LAMA2: variants seen among roughly 807,000 people sequenced by gnomAD.
LAMA2 encodes laminin subunit alpha 2, also known as laminin subunit alpha-2.
LAMA2 carries 269 observed loss-of-function variants against 364.8 expected under a neutral mutation model. The observed-to-expected ratio is 0.74, with a 90% CI of 0.67 to 0.82. LAMA2 has a LOEUF of 0.82. Among genes scored for constraint, LAMA2 ranks in the 40% least tolerant of loss-of-function variants. The probability of loss-of-function intolerance (pLI) is 0.00; values close to 1 mark genes in which losing one functional copy is unlikely to be tolerated. For missense variants in LAMA2, 3,807 were observed against 3,873.2 expected (o/e 0.98, Z 0.45); for synonymous variants, 1,379 against 1,370.6 (o/e 1.01, Z -0.14).
rs1774543457 is a variant in LAMA2 at position 129,315,654 on chromosome 6, A to C, written c.3734A>C (p.Lys1245Thr). ...CTTCCAGAACAATTTGAAGGAAAGAAGGTAAGCACAAGAACTTTAATGTCA... is the reference window on the plus strand; with the variant it reads ...CTTCCAGAACAATTTGAAGGAAAGACGGTAAGCACAAGAACTTTAATGTCA... ...WKLPEQFEGK[K>T]LMAYGGKLKY... is the part of the protein sequence containing the mutation. The change falls in exon 25 of 65, where the codon AAG becomes ACG. Residue 1245 changes from lysine (K) to threonine (T), a missense_variant and splice_region_variant. By Grantham distance (78) the Lys-to-Thr change is moderately conservative (BLOSUM62 -1). Coordinates refer to ENST00000421865, the MANE Select transcript of LAMA2 (RefSeq NM_000426.4). 6.2e-7 allele frequency: 1 copy of C among 1,613,906 alleles called. No individual in the cohort carries two copies. The highest frequency in any genetic ancestry group is 8.5e-7 in the Non-Finnish European group (1 of 1,179,854).
chr6:129,064,064 T>C (rs1337339494), intron 3 of LAMA2, among the ~76,000 whole-genome samples: 2 of 152,264 alleles, frequency 1.3e-5, no homozygotes, highest in Non-Finnish European at 2.9e-5. Flanking sequence ...GTCAATTCTT[T>C]CCTCATGCTC....
chr6:129,110,215 G>A (rs1039931421), intron 4 of LAMA2, among the ~76,000 whole-genome samples: 3 of 151,924 alleles, frequency 2.0e-5, no homozygotes, highest in Non-Finnish European at 4.4e-5. Flanking sequence ...CAATTCTGAA[G>A]TGTATTGAGA....
chr6:129,244,517 G>A (rs946317627), intron 12 of LAMA2, among the ~76,000 whole-genome samples: 1 of 151,962 alleles, frequency 6.6e-6, no homozygotes, highest in Non-Finnish European at 1.5e-5. Context: ...TGATTTTTGT[G>A]TATCCCTCCT....
intron 1 of LAMA2, among the ~76,000 whole-genome samples, chr6:128,913,134 A>T (rs1211054715): frequency 6.6e-6 from 1 of 152,210 alleles, no homozygotes; most frequent in Non-Finnish European, 1.5e-5. Context: ...TAAAGTGAAG[A>T]TGGGGTCTGC....
intron 1 of LAMA2, among the ~76,000 whole-genome samples, chr6:128,945,039 A>G (rs1780406493): frequency 6.6e-6 from 1 of 152,180 alleles, no homozygotes; most frequent in Non-Finnish European, 1.5e-5. Flanking sequence ...GTAGCTCTGA[A>G]GGTTTGTTAC....
At chr6:129,182,697 C>T (rs1032329017) in intron 10 of LAMA2, among the ~76,000 whole-genome samples, 2 of 151,674 alleles carry the variant, frequency 1.3e-5, no homozygotes, top group African/African-American at 4.8e-5. Flanking sequence ...AATTTAAATA[C>T]ACTTGTAGGG....
intron 12 of LAMA2, among the ~76,000 whole-genome samples, chr6:129,202,769 C>T (rs1361964497): frequency 2.0e-5 from 3 of 152,064 alleles, no homozygotes. Flanking sequence ...AAAATGTCTT[C>T]CAAAACTGAA....
At chr6:129,384,664 G>C (rs1335287310) in intron 35 of LAMA2, among the ~76,000 whole-genome samples, 2 of 152,192 alleles carry the variant, frequency 1.3e-5, no homozygotes, top group African/African-American at 4.8e-5. Context: ...TGTACAATTT[G>C]TGGACCAACA....
At chr6:129,384,088 CA>C (rs913646707) in intron 35 of LAMA2, among the ~76,000 whole-genome samples, 3 of 152,178 alleles carry the variant, frequency 2.0e-5, no homozygotes, top group African/African-American at 7.2e-5. Context: ...CAAGAAGAGA[CA>C]AACTCCCAAA....
At chr6:128,960,134 G>A (rs569378101) in intron 1 of LAMA2, among the ~76,000 whole-genome samples, 1 of 152,034 alleles carries the variant, frequency 6.6e-6, no homozygotes, top group Non-Finnish European at 1.5e-5. Flanking sequence ...CAAATGTTCT[G>A]TAGTTTGATC....
At chr6:129,239,125 G>A (rs762939162) in intron 12 of LAMA2, among the ~76,000 whole-genome samples, 1 of 152,080 alleles carries the variant, frequency 6.6e-6, no homozygotes, top group African/African-American at 2.4e-5. Flanking sequence ...TACTATTCTA[G>A]ATTATTCAAT....
chr6:129,098,497 T>A (rs1192604352), intron 4 of LAMA2, 82 bp downstream of exon 4: 2 of 1,460,264 alleles, frequency 1.4e-6, no homozygotes, highest in East Asian at 4.5e-5. Flanking sequence ...TATCAGTAAT[T>A]AATGTCAGGG....
At chr6:129,308,283 CTT>C (rs143164158) in intron 22 of LAMA2, among the ~76,000 whole-genome samples, 44,000 of 151,942 alleles carry the variant, frequency 0.29, 6,744 homozygotes, top group Non-Finnish European at 0.32. Context: ...CTATGACTGA[CTT>C]TTGCATTTTC....
intron 1 of LAMA2, among the ~76,000 whole-genome samples, chr6:128,912,510 A>G (rs982336212): frequency 6.6e-6 from 1 of 152,196 alleles, no homozygotes; most frequent in African/African-American, 2.4e-5. Context: ...AAAGCAGGGT[A>G]TTATTCATTT....
intron 29 of LAMA2, 123 bp from the exon 30 acceptor site, chr6:129,342,220 T>G (rs982188320): frequency 1.4e-5 from 10 of 717,498 alleles, no homozygotes; most frequent in African/African-American, 3.5e-5. Flanking sequence ...TGTGTGTGAG[T>G]GTGTGTGTGT....
At chr6:129,514,068 T>G (rs1786822187) in intron 63 of LAMA2, among the ~76,000 whole-genome samples, 1 of 152,214 alleles carries the variant, frequency 6.6e-6, no homozygotes, top group Non-Finnish European at 1.5e-5. Context: ...CTGTGTACAC[T>G]AGGTCCTTTT....
At chr6:129,106,545 G>C (rs561104185) in intron 4 of LAMA2, among the ~76,000 whole-genome samples, 3 of 151,872 alleles carry the variant, frequency 2.0e-5, no homozygotes, top group East Asian at 1.9e-4. Context: ...GGGGTTTCAG[G>C]CTTCCTTTCT....
intron 1 of LAMA2, among the ~76,000 whole-genome samples, chr6:128,973,834 A>G (rs1356953937): frequency 6.6e-6 from 1 of 152,184 alleles, no homozygotes; most frequent in Non-Finnish European, 1.5e-5. Context: ...ATAAGTAACT[A>G]TGGCAACTCA....
chr6:129,112,033 C>A (rs968753568), intron 4 of LAMA2, among the ~76,000 whole-genome samples: 1 of 151,904 alleles, frequency 6.6e-6, no homozygotes. Context: ...ATTGTATAAT[C>A]ACATGTGTAG....
Sources: allele counts gnomAD v4.1 joint callset (sites outside exome capture counted in the v4.1 genomes callset), GRCh38; gene constraint gnomAD v4.1.1; transcripts MANE v1.5; gene names NCBI Gene and HGNC (gene_info 2026-07-23, HGNC 2026-07-21).